The following KCNQ4 variants were observed in gnomAD, a reference collection of about 807,000 sequenced individuals.
KCNQ4 encodes the protein potassium voltage-gated channel subfamily Q member 4.
In KCNQ4, 31 loss-of-function variants were observed where a neutral mutation model predicts 72.6. That is an observed-to-expected ratio of 0.43 (90% confidence interval 0.32 to 0.58). KCNQ4 has a LOEUF of 0.58. KCNQ4 is among the 20% of genes least tolerant of loss of function. The pLI is 0.08. For synonymous variants in KCNQ4, 405 were observed against 403.7 expected (o/e 1.00, Z -0.04); for missense variants, 869 against 962.6 (o/e 0.90, Z 1.29).
intron 1 of KCNQ4, among the ~76,000 whole-genome samples, chr1:40,808,262 T>G (rs1647821653): frequency 6.6e-6 from 1 of 151,984 alleles, no homozygotes; most frequent in African/African-American, 2.4e-5. Flanking sequence ...TTGGCCTTGG[T>G]GGATACTTGG....
intron 9 of KCNQ4, among the ~76,000 whole-genome samples, chr1:40,829,773 C>T (rs1648582742): frequency 1.3e-5 from 2 of 152,204 alleles, no homozygotes; most frequent in African/African-American, 4.8e-5. Flanking sequence ...GGTGGGTCCC[C>T]CTGAACCCGA....
At chr1:40,832,853 G>T (rs961714126) in intron 10 of KCNQ4, among the ~76,000 whole-genome samples, 161 bp from the exon 11 acceptor site, 10 of 133,448 alleles carry the variant, frequency 7.5e-5, no homozygotes, top group Non-Finnish European at 1.6e-4. Flanking sequence ...TCCACCCTGG[G>T]GAGGGCAGTG....
chr1:40,822,348 G>A lies in KCNQ4; in HGVS notation c.1076G>A (p.Arg359Gln), dbSNP rs781530919. The A allele has an allele frequency of 1.6e-5, 26 of 1,612,996 alleles. No homozygotes were observed. In the South Asian group the frequency reaches 1.6e-4, roughly 10 times the overall value. The change falls in exon 8 of 14, where the codon CGG (arginine) becomes CAG (glutamine). Residue 359 changes from arginine (R) to glutamine (Q), a missense_variant. Arg to Gln is a conservative substitution (Grantham distance 43, BLOSUM62 1). Transcript: ENST00000347132. ...CGCCTGTACTCCACCGATATGAGCC[G>A]GGCCTACCTGACAGCCACCTGGTAC... The part of the protein sequence containing the change: ...AWRLYSTDMS[R>Q]AYLTATWYYY...
intron 1 of KCNQ4, among the ~76,000 whole-genome samples, chr1:40,791,004 G>A (rs572236310): frequency 3.7e-4 from 57 of 152,180 alleles, no homozygotes; most frequent in African/African-American, 1.4e-3. Flanking sequence ...CCTGGCCCCC[G>A]AGAGATAAAA....
chr1:40,833,837 A>G (rs1648731838), intron 11 of KCNQ4, among the ~76,000 whole-genome samples: 1 of 151,084 alleles, frequency 6.6e-6, no homozygotes, highest in South Asian at 2.1e-4. Flanking sequence ...TCTTTGCAAA[A>G]AAAAAAAAAA....
chr1:40,833,795 G>A lies in KCNQ4; in HGVS notation c.1613+682G>A, dbSNP rs1648727612. ...GAGAATCACTTGAGGTCAGAAGTTC[G>A]AGACCAGCCTGGGCAGCATAGTGAA... On this transcript the variant is annotated intron_variant, in intron 11 of 13. Transcript: ENST00000347132. Among the ~76,000 whole-genome samples, 3 of 146,670 alleles carry A rather than the reference G, an allele frequency of 2.0e-5. No individual in the cohort carries two copies. In the Admixed American group the frequency reaches 2.1e-4, roughly 10 times the overall value.
chr1:40,823,619 G>C (rs1488300619), intron 8 of KCNQ4, among the ~76,000 whole-genome samples: 1 of 152,200 alleles, frequency 6.6e-6, no homozygotes, highest in African/African-American at 2.4e-5. Context: ...GGAGAGTTAG[G>C]AAGAAGCCAC....
rs1001797721 is a variant in KCNQ4 at position 40,822,363 on chromosome 1, C to G, written c.1091C>G (p.Ala364Gly). The G allele has an allele frequency of 9.9e-6, 16 of 1,613,348 alleles. No homozygotes were observed. Among genetic ancestry groups the G allele is most frequent in the Non-Finnish European group, 1.3e-5 (15 of 1,179,770 alleles). ...STDMSRAYLT[A>G]TWYYYDSILP... The stretch of plus-strand genomic sequence containing the variant: ...GATATGAGCCGGGCCTACCTGACAG[C>G]CACCTGGTACTACTATGACAGTATC... Residue 364 changes from alanine to glycine, a missense_variant, in exon 8 of 14, where the codon GCC becomes GGC. Transcript: ENST00000347132.
intron 1 of KCNQ4, among the ~76,000 whole-genome samples, chr1:40,808,710 T>A (rs1254032170): frequency 6.6e-6 from 1 of 152,170 alleles, no homozygotes; most frequent in Non-Finnish European, 1.5e-5. Context: ...TGGCTCTGGA[T>A]CCCAGCCTCC....
chr1:40,824,208 C>G lies in KCNQ4; in HGVS notation c.1242C>G (p.Pro414=). ...ACGGAGCACCCTCCCGTTACCCGCC[C>G]GTTGCCACCTGCCACCGGCCGGGCA... The part of the protein sequence containing the change: ...VPDGAPSRYP[P]VATCHRPGST... Residue 414 remains proline (P), a synonymous_variant, in exon 9 of 14, where the codon CCC becomes CCG. Transcript: ENST00000347132. The G allele has an allele frequency of 1.9e-6, 3 of 1,602,408 alleles. No homozygotes were observed. The highest frequency in any genetic ancestry group is 2.6e-6 in the Non-Finnish European group (3 of 1,175,384).
At chr1:40,803,441 T>A (rs375538852) in intron 1 of KCNQ4, among the ~76,000 whole-genome samples, 5 of 152,330 alleles carry the variant, frequency 3.3e-5, no homozygotes, top group African/African-American at 1.2e-4. Context: ...CTTCTCCCTC[T>A]GCTGCCCCCC....
At chr1:40,798,418 A>G (rs1231431896) in intron 1 of KCNQ4, among the ~76,000 whole-genome samples, 1 of 152,234 alleles carries the variant, frequency 6.6e-6, no homozygotes, top group Non-Finnish European at 1.5e-5. Flanking sequence ...TCCCACTGAC[A>G]GTCCACAAAG....
intron 9 of KCNQ4, among the ~76,000 whole-genome samples, chr1:40,829,805 T>TAGTGGCA (rs1262647036): frequency 2.0e-5 from 3 of 152,122 alleles, no homozygotes; most frequent in Non-Finnish European, 4.4e-5. Flanking sequence ...TCGGAATCTC[T>TAGTGGCA]AGTGGCAAAC....
At chr1:40,791,201 G>T (rs979546211) in intron 1 of KCNQ4, among the ~76,000 whole-genome samples, 4 of 152,144 alleles carry the variant, frequency 2.6e-5, no homozygotes, top group Non-Finnish European at 5.9e-5. Context: ...CTGAGCCTCG[G>T]TATCTTCTTC....
intron 11 of KCNQ4, among the ~76,000 whole-genome samples, chr1:40,834,619 T>C (rs1648755818): frequency 6.6e-6 from 1 of 151,728 alleles, no homozygotes; most frequent in African/African-American, 2.4e-5. Flanking sequence ...AACAGAGTTA[T>C]TGATGTGCCT....
intron 5 of KCNQ4, 135 bp from the exon 6 acceptor site, chr1:40,819,740 C>T (rs1175090354): frequency 8.3e-6 from 7 of 848,190 alleles, no homozygotes; most frequent in South Asian, 2.7e-5. Flanking sequence ...GAGAATCCAT[C>T]TATGACCCTA....
intron 1 of KCNQ4, among the ~76,000 whole-genome samples, chr1:40,802,418 G>A (rs1305976493): frequency 1.3e-5 from 2 of 151,922 alleles, no homozygotes. Context: ...GGGAGGCCGC[G>A]GGGAGGTAAT....
intron 12 of KCNQ4, 104 bp from the exon 13 acceptor site, chr1:40,837,561 C>A (rs1648839785): frequency 1.4e-6 from 2 of 1,426,678 alleles, no homozygotes; most frequent in East Asian, 2.3e-5. Flanking sequence ...CCTCAGATTG[C>A]CTGTCCCCTC....
At chr1:40,785,137 G>T (rs571170016) in intron 1 of KCNQ4, among the ~76,000 whole-genome samples, 4 of 152,292 alleles carry the variant, frequency 2.6e-5, no homozygotes, top group Non-Finnish European at 4.4e-5. Flanking sequence ...GGCACCAGGG[G>T]AAAAAGAAAG....
Sources: gnomAD v4.1 joint callset for allele counts (sites outside exome capture counted in the v4.1 genomes callset) on GRCh38, gnomAD v4.1.1 for gene constraint, MANE v1.5 for transcripts, NCBI Gene and HGNC (gene_info 2026-07-23, HGNC 2026-07-21) for gene names.